Variants in CFAP52 observed in about 807,000 individuals in gnomAD.
CFAP52 encodes the protein cilia and flagella associated protein 52, also known as cilia- and flagella-associated protein 52.
CFAP52 carries 57 observed loss-of-function variants against 70.5 expected under a neutral mutation model. The ratio of observed to expected loss-of-function variants is 0.81; its 90% confidence interval spans 0.65 to 1.01. The LOEUF (loss-of-function observed/expected upper bound fraction) is 1.01. Among genes scored for constraint, CFAP52 ranks in the 50% least tolerant of loss-of-function variants. CFAP52 has a pLI of 0.00. For missense variants in CFAP52, 785 were observed against 788.5 expected, an observed-to-expected ratio of 1.00 and a Z score of 0.05; for synonymous variants, 267 against 292.5, an observed-to-expected ratio of 0.91 and a Z score of 0.89.
intron 8 of CFAP52, among the ~76,000 whole-genome samples, chr17:9,615,855 G>C (rs548323340): frequency 7.6e-4 from 99 of 130,536 alleles, no homozygotes; most frequent in Non-Finnish European, 1.2e-3. Context: ...GCCCAAGCTG[G>C]TTTTCAACTG....
At chr17:9,581,290 T>G (rs1001496356) in intron 1 of CFAP52, among the ~76,000 whole-genome samples, 3 of 152,222 alleles carry the variant, frequency 2.0e-5, no homozygotes, top group Non-Finnish European at 2.9e-5. Flanking sequence ...GCCACTGAAT[T>G]GTTCACGTTA....
intron 4 of CFAP52, among the ~76,000 whole-genome samples, chr17:9,596,511 AACATAT>A: frequency 6.6e-6 from 1 of 152,286 alleles, no homozygotes; most frequent in African/African-American, 2.4e-5. Flanking sequence ...AGATTAATTC[AACATAT>A]AATGAGTAAA....
downstream of CFAP52, among the ~76,000 whole-genome samples, chr17:9,644,025 C>G (rs146098817): frequency 6.6e-6 from 1 of 152,282 alleles, no homozygotes; most frequent in Non-Finnish European, 1.5e-5. Context: ...ATGTTTTAAG[C>G]ATGTTATTTA....
intron 9 of CFAP52, among the ~76,000 whole-genome samples, chr17:9,631,983 G>C (rs1230860554): frequency 6.6e-6 from 1 of 152,004 alleles, no homozygotes; most frequent in Non-Finnish European, 1.5e-5. Context: ...ATGTTGACCA[G>C]GCTGGTCTCC....
intron 6 of CFAP52, among the ~76,000 whole-genome samples, chr17:9,607,729 A>T (rs974700626): frequency 2.6e-4 from 40 of 152,172 alleles, no homozygotes; most frequent in African/African-American, 9.7e-4. Flanking sequence ...GAGTGGATGT[A>T]AAAGTGTTAA....
intron 12 of CFAP52, among the ~76,000 whole-genome samples, chr17:9,641,010 C>T: frequency 6.6e-6 from 1 of 152,134 alleles, no homozygotes; most frequent in East Asian, 1.9e-4. Flanking sequence ...CCTGTCTTTG[C>T]TATCATAAAC....
chr17:9,601,205 T>G (rs571959224), intron 6 of CFAP52, among the ~76,000 whole-genome samples: 1 of 137,726 alleles, frequency 7.3e-6, no homozygotes, highest in South Asian at 2.3e-4. Context: ...AGGTGGGAAT[T>G]GAACAATGAG....
At chr17:9,642,876 A>G (rs1911140062) in intron 13 of CFAP52, 147 bp from the exon 14 acceptor site, 1 of 723,408 alleles carries the variant, frequency 1.4e-6, no homozygotes, top group Non-Finnish European at 2.1e-6. Flanking sequence ...ATTTACTGCA[A>G]CAGATAGATT....
chr17:9,644,830 C>A (rs1029662754), downstream of CFAP52: 3 of 152,162 alleles, frequency 2.0e-5, no homozygotes, highest in Admixed American at 1.3e-4. Flanking sequence ...GATCGGGCGG[C>A]CTCCCTACGT....
At chr17:9,604,750 A>AAAATAAAT (rs58770209) in intron 6 of CFAP52, among the ~76,000 whole-genome samples, 225 of 135,058 alleles carry the variant, frequency 1.7e-3, no homozygotes, top group East Asian at 2.8e-3. Context: ...ACTCTGTCTC[A>AAAATAAAT]AAATAAATAA....
Position 9,640,517 on chromosome 17 carries a change from T to C in CFAP52, c.1576-1207T>C, listed in dbSNP as rs139646371. Among the ~76,000 whole-genome samples, 440 of 152,192 alleles carry C rather than the reference T, an allele frequency of 2.9e-3. 4 individuals are homozygous for C. Among genetic ancestry groups the C allele is most frequent in the Middle Eastern group, 0.01 (3 of 294 alleles). On this transcript the variant is annotated intron_variant, in intron 12 of 13. Coordinates refer to ENST00000352665, the MANE Select transcript of CFAP52 (RefSeq NM_145054.5). ...GGTGTTTGGTTTTCTGTTCCTGCGT[T>C]AGTTTGCTGAGGATAATGGCTCCCA... is the stretch of plus-strand genomic sequence containing the variant.
intron 11 of CFAP52, among the ~76,000 whole-genome samples, chr17:9,635,766 T>C (rs1910747810): frequency 6.6e-6 from 1 of 152,178 alleles, no homozygotes; most frequent in African/African-American, 2.4e-5. Flanking sequence ...GAACTGAATG[T>C]TAGAAGTTTC....
At chr17:9,579,026 T>A (rs1054005561) in intron 1 of CFAP52, among the ~76,000 whole-genome samples, 1 of 152,182 alleles carries the variant, frequency 6.6e-6, no homozygotes, top group Non-Finnish European at 1.5e-5. Flanking sequence ...GGCTGGGAAC[T>A]CTGCTTTAAG....
intron 8 of CFAP52, among the ~76,000 whole-genome samples, chr17:9,614,578 G>A (rs11651385): frequency 0.011 from 1,671 of 152,000 alleles, 9 homozygotes; most frequent in Non-Finnish European, 0.017. Flanking sequence ...AAATGAATTC[G>A]TTTATTATAA....
rs1195402821 is a variant in CFAP52 at position 9,612,361 on chromosome 17, C to T, written c.907C>T (p.His303Tyr). The change falls in exon 8 of 14, where the codon CAC (histidine) becomes TAC (tyrosine). Residue 303 changes from histidine (H) to tyrosine (Y), a missense_variant. By Grantham distance (83) the His-to-Tyr change is moderately conservative (BLOSUM62 2). Coordinates refer to ENST00000352665, the MANE Select transcript of CFAP52 (RefSeq NM_145054.5). ...TTCTATCACACTTCGAGGAGAAGGA[C>T]ACCAGTTTCTCGTAGGAACAGAAGA... Reference protein sequence around the residue: ...ITSITLRGEGHQFLVGTEESH... With the variant: ...ITSITLRGEGYQFLVGTEESH... 6.2e-7 allele frequency: 1 copy of T among 1,614,204 alleles called. No individual in the cohort carries two copies. Among genetic ancestry groups the T allele is most frequent in the Admixed American group, 1.7e-5 (1 of 60,024 alleles).
chr17:9,644,843 C>A (rs1911250760), downstream of CFAP52: 1 of 152,190 alleles, frequency 6.6e-6, no homozygotes, highest in African/African-American at 2.4e-5. Flanking sequence ...CCCTACGTTG[C>A]GATAACCTCT....
intron 7 of CFAP52, among the ~76,000 whole-genome samples, chr17:9,609,327 C>T (rs1909629147): frequency 6.6e-6 from 1 of 152,118 alleles, no homozygotes; most frequent in South Asian, 2.1e-4. Flanking sequence ...AAGGAAAGTA[C>T]ATAGTATTAG....
rs12601904 is a variant in CFAP52, at chr17:9,608,830, G to A, written c.854+611G>A. Reference sequence around the variant, plus strand: ...TATTAGATACTATTAATAAAATAAAGAAAAATAAGCTATGGTCTTTGTCCT... The same window carrying A: ...TATTAGATACTATTAATAAAATAAAAAAAAATAAGCTATGGTCTTTGTCCT... On this transcript the variant is annotated intron_variant, in intron 7 of 13. Transcript: ENST00000352665. Among the ~76,000 whole-genome samples, 51 of 152,234 alleles carry A rather than the reference G, an allele frequency of 3.4e-4. No homozygotes were observed. The East Asian group carries it at 8.7e-3, about 26-fold the overall frequency.
chr17:9,638,724 A>G lies in CFAP52; in HGVS notation c.1575+13A>G. ...AACAGACAGAAAGGTGAGTCCTCCC[A>G]GTGAGAGATGAGATCTTTCCAGCGC... On this transcript the variant is annotated intron_variant, in intron 12 of 13. Transcript: ENST00000352665. 1 of 1,612,662 alleles carries G rather than the reference A, an allele frequency of 6.2e-7. No homozygotes were observed. The highest frequency in any genetic ancestry group is 8.5e-7 in the Non-Finnish European group (1 of 1,178,682).
Sources: allele counts gnomAD v4.1 joint callset (sites outside exome capture counted in the v4.1 genomes callset), GRCh38; gene constraint gnomAD v4.1.1; transcripts MANE v1.5; gene names NCBI Gene and HGNC (gene_info 2026-07-23, HGNC 2026-07-21).